NSMAF: variants seen among roughly 807,000 people sequenced by gnomAD.
The protein encoded by NSMAF is protein FAN.
A neutral mutation model predicts 134.9 loss-of-function variants in NSMAF; 90 were observed. The observed-to-expected ratio is 0.67, with a 90% CI of 0.56 to 0.79. NSMAF has a LOEUF of 0.79. NSMAF is among the 30% of genes least tolerant of loss of function. The probability of loss-of-function intolerance (pLI) is 0.00; values close to 1 mark genes in which losing one functional copy is unlikely to be tolerated. For missense variants in NSMAF, 1,010 were observed against 1,119.0 expected (o/e 0.90, Z 1.39); for synonymous variants, 358 against 389.6 (o/e 0.92, Z 0.96).
chr8:58,641,029 C>T (rs1047922554), intron 2 of NSMAF, among the ~76,000 whole-genome samples: 1 of 152,184 alleles, frequency 6.6e-6, no homozygotes, highest in East Asian at 1.9e-4. Flanking sequence ...TCAAGCAATT[C>T]TCCTGCCTCA....
chr8:58,592,005 C>A (rs1385518899), intron 23 of NSMAF, among the ~76,000 whole-genome samples: 1 of 152,138 alleles, frequency 6.6e-6, no homozygotes, highest in Non-Finnish European at 1.5e-5. Context: ...TAAACATGAG[C>A]CTCAATAAGA....
chr8:58,625,545 C>T lies in NSMAF; in HGVS notation c.385-1765G>A, dbSNP rs190852724. Reference sequence around the variant, plus strand: ...CCTTTTATCATTACATAATATCCTTCGTCTCTTGTGAAAGTTTTTTATTTA... The same window carrying T: ...CCTTTTATCATTACATAATATCCTTTGTCTCTTGTGAAAGTTTTTTATTTA... On this transcript the variant is annotated intron_variant, in intron 6 of 30. Coordinates refer to ENST00000038176, the MANE Select transcript of NSMAF (RefSeq NM_003580.4). Among the ~76,000 whole-genome samples the T allele has an allele frequency of 2.6e-5, 4 of 152,196 alleles. No homozygotes were observed. The East Asian group carries it at 5.8e-4, about 22-fold the overall frequency.
chr8:58,656,627 G>A (rs1807718284), intron 1 of NSMAF, among the ~76,000 whole-genome samples: 1 of 152,002 alleles, frequency 6.6e-6, no homozygotes, highest in South Asian at 2.1e-4. Flanking sequence ...TCAGGAGATC[G>A]AGACCATCCT....
At chr8:58,659,414 TC>T in intron 1 of NSMAF, 158 bp downstream of exon 1, 1 of 1,510,440 alleles carries the variant, frequency 6.6e-7, no homozygotes, top group Non-Finnish European at 8.8e-7. Context: ...ACCTCAGGTT[TC>T]CGCCACAGCC....
chr8:58,648,922 T>A (rs762352300), intron 1 of NSMAF, among the ~76,000 whole-genome samples: 1 of 152,224 alleles, frequency 6.6e-6, no homozygotes, highest in Non-Finnish European at 1.5e-5. Flanking sequence ...AGGGGAAAAG[T>A]GGGCTGGAGT....
At chr8:58,633,864 G>GT (rs1436356331) in intron 5 of NSMAF, among the ~76,000 whole-genome samples, 1 of 152,138 alleles carries the variant, frequency 6.6e-6, no homozygotes, top group Non-Finnish European at 1.5e-5. Context: ...TGTCGGGCTG[G>GT]TTTTGAGCTG....
At chr8:58,643,614 C>G (rs1185633989) in intron 1 of NSMAF, among the ~76,000 whole-genome samples, 1 of 151,916 alleles carries the variant, frequency 6.6e-6, no homozygotes, top group Admixed American at 6.6e-5. Context: ...CTCAAGTAAC[C>G]TCCACCTCCC....
chr8:58,598,849 C>CCT (rs61359641), intron 19 of NSMAF, among the ~76,000 whole-genome samples: 136,549 of 151,922 alleles, frequency 0.9, 61,659 homozygotes, highest in East Asian at 0.97. Context: ...ATGGTGAAAC[C>CCT]GTCACGACCA....
At chr8:58,659,454 GC>G (rs1161150210) in intron 1 of NSMAF, 118 bp downstream of exon 1, 1 of 1,492,914 alleles carries the variant, frequency 6.7e-7, no homozygotes, top group Admixed American at 2.1e-5. Context: ...CACGCGTCCG[GC>G]CCCTGCCTCC....
At chr8:58,595,754 T>G in intron 21 of NSMAF, 95 bp from the exon 22 acceptor site, 1 of 769,262 alleles carries the variant, frequency 1.3e-6, no homozygotes, top group South Asian at 1.5e-5. Flanking sequence ...ATCAAACAAC[T>G]AAGAAATGAA....
intron 1 of NSMAF, chr8:58,659,125 G>T (rs1163207212): frequency 2.8e-6 from 3 of 1,087,722 alleles, no homozygotes; most frequent in East Asian, 1.1e-4. Context: ...CTGCGGCGCC[G>T]GCGCCGAGTG....
chr8:58,620,112 A>G (rs1336122909), intron 9 of NSMAF, among the ~76,000 whole-genome samples: 2 of 152,222 alleles, frequency 1.3e-5, no homozygotes, highest in Non-Finnish European at 2.9e-5. Context: ...TACTTAAGAA[A>G]AGCCAAGAAA....
chr8:58,585,317 G>GT (rs571525208), intron 30 of NSMAF, among the ~76,000 whole-genome samples: 15,946 of 144,206 alleles, frequency 0.11, 1,072 homozygotes, highest in Non-Finnish European at 0.16. Context: ...TTGTTTCTGG[G>GT]TTTTTTTTTT....
At chr8:58,651,115 G>C (rs1807572394) in intron 1 of NSMAF, among the ~76,000 whole-genome samples, 1 of 152,102 alleles carries the variant, frequency 6.6e-6, no homozygotes, top group Admixed American at 6.6e-5. Context: ...CAATAGGTCT[G>C]CAGCTTTTCA....
At chr8:58,645,523 C>A (rs536898694) in intron 1 of NSMAF, among the ~76,000 whole-genome samples, 1 of 152,192 alleles carries the variant, frequency 6.6e-6, no homozygotes, top group Non-Finnish European at 1.5e-5. Context: ...ACTGAAATAG[C>A]CCATTCCCAG....
chr8:58,611,973 C>T (rs565275090), intron 9 of NSMAF, among the ~76,000 whole-genome samples: 1 of 152,270 alleles, frequency 6.6e-6, no homozygotes, highest in South Asian at 2.1e-4. Flanking sequence ...TCTCTGCTCC[C>T]AGTTTGTGGC....
At chr8:58,602,158 A>G in intron 13 of NSMAF, 21 bp from the exon 14 acceptor site, 1 of 1,584,042 alleles carries the variant, frequency 6.3e-7, no homozygotes, top group Non-Finnish European at 8.7e-7. Flanking sequence ...AAATCAATAA[A>G]TAACTTCAGC....
intron 9 of NSMAF, among the ~76,000 whole-genome samples, chr8:58,615,199 C>A (rs1344044740): frequency 6.6e-6 from 1 of 152,156 alleles, no homozygotes; most frequent in Non-Finnish European, 1.5e-5. Context: ...ACACAAAATG[C>A]ATAAATTGAC....
rs567719461 is a variant in NSMAF at position 58,659,702 on chromosome 8, G to A, written c.-71C>T. The A allele has an allele frequency of 8.1e-6, 10 of 1,238,632 alleles. No individual in the cohort carries two copies. Among genetic ancestry groups the A allele is most frequent in the Non-Finnish European group, 9.4e-6 (9 of 961,968 alleles). 76.7% of individuals were successfully genotyped at this position (1,238,632 alleles called of 1,614,324 possible). ...CGCCGCCTGCCGAGGAGGTCCGGAG[G>A]AGCCGGGGAGGGCGGGATTGGTGGC... On this transcript the variant is annotated 5_prime_UTR_variant, in exon 1 of 31. Transcript: ENST00000038176.
Sources: gnomAD v4.1 joint callset for allele counts (sites outside exome capture counted in the v4.1 genomes callset) on GRCh38, gnomAD v4.1.1 for gene constraint, MANE v1.5 for transcripts, NCBI Gene and HGNC (gene_info 2026-07-23, HGNC 2026-07-21) for gene names.